Variants in ZNF385C observed in about 807,000 individuals in gnomAD.
ZNF385C encodes the protein CTD-2132N18.2.
ZNF385C carries 28 observed loss-of-function variants against 35.4 expected under a neutral mutation model. The observed-to-expected ratio is 0.79, with a 90% CI of 0.59 to 1.08. The LOEUF (loss-of-function observed/expected upper bound fraction) is 1.08, where lower values mean the gene tolerates loss of function less well. Ranked by LOEUF, ZNF385C falls within the 50% of genes least tolerant of loss-of-function variation. ZNF385C has a pLI of 0.00. For missense variants in ZNF385C, 605 were observed against 595.6 expected, an observed-to-expected ratio of 1.02 and a Z score of -0.16; for synonymous variants, 248 against 248.2, an observed-to-expected ratio of 1.00 and a Z score of 0.01.
chr17:42,074,641 G>A (rs1020721798), intron 1 of ZNF385C, among the ~76,000 whole-genome samples: 4 of 152,146 alleles, frequency 2.6e-5, no homozygotes, highest in Non-Finnish European at 4.4e-5. Context: ...CACCCGCCTC[G>A]GCCTCCCAAA....
chr17:42,038,887 A>T (rs2052932088), intron 2 of ZNF385C: 1 of 152,288 alleles, frequency 6.6e-6, no homozygotes, highest in African/African-American at 2.4e-5. Context: ...GCTGTGTGTC[A>T]GAAACAAGCA....
intron 4 of ZNF385C, 36 bp downstream of exon 4, chr17:42,034,189 C>T: frequency 6.6e-7 from 1 of 1,513,112 alleles, no homozygotes; most frequent in Non-Finnish European, 9.0e-7. Context: ...CCTGCCCAGC[C>T]CCCTCCCCAG....
chr17:42,039,583 G>T (rs2052954633), intron 2 of ZNF385C: 1 of 939,924 alleles, frequency 1.1e-6, no homozygotes, highest in Non-Finnish European at 1.4e-6. Context: ...CGGGTGGATG[G>T]CCTCAGGCCC....
chr17:42,033,791 G>T (rs184186452), intron 4 of ZNF385C, among the ~76,000 whole-genome samples: 1 of 152,140 alleles, frequency 6.6e-6, no homozygotes. Flanking sequence ...GCCTCCACCC[G>T]TCTCACAGAT....
chr17:42,047,222 C>T (rs547048629), intron 2 of ZNF385C, among the ~76,000 whole-genome samples: 7 of 152,194 alleles, frequency 4.6e-5, no homozygotes, highest in Admixed American at 3.9e-4. Flanking sequence ...TTAGTAGAGA[C>T]AGGGTTTCAC....
intron 1 of ZNF385C, among the ~76,000 whole-genome samples, chr17:42,094,191 C>T (rs1363309430): frequency 6.6e-6 from 1 of 152,104 alleles, no homozygotes; most frequent in Non-Finnish European, 1.5e-5. Context: ...CCATGTTGGC[C>T]AGGCTGGTTT....
intron 1 of ZNF385C, among the ~76,000 whole-genome samples, chr17:42,073,164 C>T (rs974358290): frequency 1.3e-5 from 2 of 152,152 alleles, no homozygotes; most frequent in Non-Finnish European, 2.9e-5. Flanking sequence ...TAGGTAGGCA[C>T]GGTGGCTCAC....
intron 2 of ZNF385C, among the ~76,000 whole-genome samples, chr17:42,051,793 G>A (rs1555657126): frequency 6.6e-6 from 1 of 152,124 alleles, no homozygotes; most frequent in African/African-American, 2.4e-5. Flanking sequence ...CCCACCAGTG[G>A]CTGCTGGGAA....
intron 7 of ZNF385C, 73 bp downstream of exon 7, chr17:42,027,977 C>T (rs1283704257): frequency 1.7e-5 from 26 of 1,548,376 alleles, no homozygotes; most frequent in Non-Finnish European, 2.2e-5. Flanking sequence ...TCTTCAGGGT[C>T]CCTCCCTCTG....
Position 42,061,207 on chromosome 17 carries a change from A to ATTTTTTTTTT in ZNF385C, c.250+1590_250+1599dup, listed in dbSNP as rs10617911. On this transcript the variant is annotated intron_variant, in intron 2 of 8. Transcript: ENST00000692273. ...AAATATTTGGTGAATTAATGAGTTAATTTTTTTTTTTTTTTTTTTTTTTTT... is the reference window on the plus strand; with the variant it reads ...AAATATTTGGTGAATTAATGAGTTAATTTTTTTTTTTTTTTTTTTTTTTTTTTTTTTTTTT... 4.3e-4 allele frequency: 25 copies of ATTTTTTTTTT among 57,508 alleles called. 2 individuals carry two copies. Among genetic ancestry groups the ATTTTTTTTTT allele is most frequent in the African/African-American group, 1.5e-3 (23 of 15,118 alleles). 3.6% of individuals were successfully genotyped at this position (57,508 alleles called of 1,614,324 possible).
intron 1 of ZNF385C, among the ~76,000 whole-genome samples, chr17:42,088,497 G>A (rs112711279): frequency 7.9e-4 from 120 of 152,360 alleles, no homozygotes; most frequent in African/African-American, 2.5e-3. Context: ...CCAGGTCTGC[G>A]GCCGCCTGGG....
Position 42,031,591 on chromosome 17 carries a change from G to A in ZNF385C, c.676+28C>T, listed in dbSNP as rs28479404. The A allele has an allele frequency of 3.6e-3, 5,551 of 1,525,330 alleles. 169 individuals are homozygous for A. The African/African-American group carries it at 0.068, about 19-fold the overall frequency. 94.5% of individuals were successfully genotyped at this position (1,525,330 alleles called of 1,614,324 possible). On this transcript the variant is annotated intron_variant, in intron 5 of 8. Coordinates refer to ENST00000692273, the MANE Select transcript of ZNF385C (RefSeq NM_001392013.1). ...CGGAAACCAGATTTGGAGTGGAGAC[G>A]TGGGAAAGAGAAGAGCTCAGGACTG...
intron 2 of ZNF385C, among the ~76,000 whole-genome samples, chr17:42,057,513 C>T (rs56109160): frequency 0.77 from 113,040 of 146,734 alleles, 44,213 homozygotes; most frequent in South Asian, 0.85. Flanking sequence ...CGCGCGCGCG[C>T]GTGTGTGTGT....
At chr17:42,036,702 G>C (rs2143597078) in intron 3 of ZNF385C, among the ~76,000 whole-genome samples, 1 of 152,218 alleles carries the variant, frequency 6.6e-6, no homozygotes, top group African/African-American at 2.4e-5. Flanking sequence ...GACCTCAGAG[G>C]AGAATGGCCT....
chr17:42,043,275 C>T (rs2053071483), intron 2 of ZNF385C: 1 of 1,232,288 alleles, frequency 8.1e-7, no homozygotes, highest in African/African-American at 1.5e-5. Context: ...AGTCAAAGTC[C>T]AGCCAGGTAA....
intron 1 of ZNF385C, among the ~76,000 whole-genome samples, chr17:42,086,130 G>A (rs553221872): frequency 4.6e-5 from 7 of 152,056 alleles, no homozygotes; most frequent in Non-Finnish European, 7.4e-5. Flanking sequence ...AGTGGCTCAC[G>A]CCTGTAATCC....
chr17:42,033,395 C>T (rs1009983084), intron 4 of ZNF385C, among the ~76,000 whole-genome samples: 6 of 152,190 alleles, frequency 3.9e-5, no homozygotes, highest in Admixed American at 6.5e-5. Flanking sequence ...GCTGTGTGGT[C>T]TTAGGCAAGT....
Position 42,031,657 on chromosome 17 carries a change from G to A in ZNF385C, c.638C>T (p.Thr213Met), listed in dbSNP as rs782784982. ...QDGAVVSPIPTLASGAPGEPQ... is the reference protein window; with the variant it reads ...QDGAVVSPIPMLASGAPGEPQ... ...CTCTCCAGGGGCTCCACTGGCCAGC[G>A]TTGGGATTGGGGACACTACAGCCCC... The change falls in exon 5 of 9, where the codon ACG (threonine) becomes ATG (methionine). Residue 213 changes from threonine (T) to methionine (M), a missense_variant. Coordinates refer to ENST00000692273, the MANE Select transcript of ZNF385C (RefSeq NM_001392013.1). 36 of 1,550,540 alleles carry A rather than the reference G, an allele frequency of 2.3e-5. No individual in the cohort carries two copies. Among genetic ancestry groups the A allele is most frequent in the African/African-American group, 2.7e-5 (2 of 73,058 alleles).
chr17:42,054,716 G>A (rs570935038), intron 2 of ZNF385C, among the ~76,000 whole-genome samples: 4 of 152,106 alleles, frequency 2.6e-5, no homozygotes, highest in African/African-American at 9.6e-5. Context: ...AGAGTAGCTG[G>A]GATTACAGGT....
Sources: gnomAD v4.1 joint callset for allele counts (sites outside exome capture counted in the v4.1 genomes callset) on GRCh38, gnomAD v4.1.1 for gene constraint, MANE v1.5 for transcripts, NCBI Gene and HGNC (gene_info 2026-07-23, HGNC 2026-07-21) for gene names.